MAGEA4: variants seen among roughly 807,000 people sequenced by gnomAD.
The protein encoded by MAGEA4 is melanoma-associated antigen 4.
A neutral mutation model predicts 13.7 loss-of-function variants in MAGEA4; 1 was observed. That is an observed-to-expected ratio of 0.07 (90% CI 0.03 to 0.35). The LOEUF is 0.35. Among genes scored for constraint, MAGEA4 ranks in the 10% least tolerant of loss-of-function variants. MAGEA4 has a pLI of 0.99. For synonymous variants in MAGEA4, 132 were observed against 101.1 expected (o/e 1.31, Z -1.83); for missense variants, 312 against 245.1 (o/e 1.27, Z -1.82).
upstream of MAGEA4, chrX:151,912,539 C>G (rs1323437927): frequency 1.6e-5 from 6 of 366,438 alleles, no homozygotes; most frequent in Non-Finnish European, 3.2e-5. Flanking sequence ...TGTGAGGAGG[C>G]AAGGTGGGGG....
chrX:151,923,003 G>A (rs1933518834), intron 1 of MAGEA4, among the ~76,000 whole-genome samples: 1 of 112,567 alleles, frequency 8.9e-6, no homozygotes, highest in Admixed American at 9.3e-5. Flanking sequence ...AGGCATGTGA[G>A]CTCTTGATCT....
chrX:151,924,794 T>C lies in MAGEA4; in HGVS notation c.*176T>C. The stretch of plus-strand genomic sequence containing the variant: ...TCTATTTTGTTGGATGACTTGGAGA[T>C]TTATCTCTGTTTCCTTTTACAATTG... On this transcript the variant is annotated 3_prime_UTR_variant, in exon 3 of 3. Transcript: ENST00000276344. 2.3e-6 allele frequency: 1 copy of C among 428,553 alleles called. No individual in the cohort carries two copies. 35.3% of individuals were successfully genotyped at this position (428,553 alleles called of 1,213,427 possible). A position where few individuals can be genotyped will look rare whatever the true frequency, so the allele number is the denominator to read the frequency against.
In MAGEA4 at chrX:151,924,228, T is replaced by C. The variant is rs1569449574; in HGVS notation, c.564T>C (p.Asp188=). 6 of 1,210,430 alleles carry C rather than the reference T, an allele frequency of 5.0e-6. No homozygotes were observed. Among genetic ancestry groups the C allele is most frequent in the Non-Finnish European group, 6.7e-6 (6 of 894,702 alleles). ...TLVTCLGLSY[D]GLLGNNQIFP... Reference sequence around the variant, plus strand: ...TCACCTGCCTGGGCCTTTCCTATGATGGCCTGCTGGGTAATAATCAGATCT... The same window carrying C: ...TCACCTGCCTGGGCCTTTCCTATGACGGCCTGCTGGGTAATAATCAGATCT... The change falls in exon 3 of 3, where the codon GAT becomes GAC. Residue 188 remains aspartate (D), a synonymous_variant. Transcript: ENST00000276344.
intron 1 of MAGEA4, among the ~76,000 whole-genome samples, chrX:151,921,789 AC>A (rs1398665903): frequency 9.0e-6 from 1 of 110,850 alleles, no homozygotes; most frequent in Non-Finnish European, 1.9e-5. Flanking sequence ...CAGAGGGAGG[AC>A]CCTGGCCCTC....
rs1444291172 is a variant in MAGEA4, at chrX:151,923,967, C to T, written c.303C>T (p.Asp101=). 4 of 1,210,175 alleles carry T rather than the reference C, an allele frequency of 3.3e-6. No homozygotes were observed. Among genetic ancestry groups the T allele is most frequent in the Non-Finnish European group, 4.5e-6 (4 of 895,195 alleles). ...AGGAGGGGCCAAGCACCTCGCCTGACGCAGAGTCCTTGTTCCGAGAAGCAC... is the reference window on the plus strand; with the variant it reads ...AGGAGGGGCCAAGCACCTCGCCTGATGCAGAGTCCTTGTTCCGAGAAGCAC... ...QEEEGPSTSP[D]AESLFREALS... is the part of the protein sequence containing the mutation. The change falls in exon 3 of 3, where the codon GAC becomes GAT. Residue 101 remains aspartate (D), a synonymous_variant. Transcript: ENST00000276344.
At chrX:151,915,986 A>G (rs1360763808) in intron 1 of MAGEA4, among the ~76,000 whole-genome samples, 1 of 12,878 alleles carries the variant, frequency 7.8e-5, no homozygotes, top group Admixed American at 7.0e-4. Flanking sequence ...CTCCTCTTCA[A>G]CCCCCCACCT....
chrX:151,913,197 A>C (rs751093546), intron 1 of MAGEA4, among the ~76,000 whole-genome samples: 1 of 110,038 alleles, frequency 9.1e-6, no homozygotes, highest in East Asian at 2.9e-4. Flanking sequence ...CATCAACCTC[A>C]GGACCCTAAA....
At position 151,924,878 on chromosome X, in the gene MAGEA4, G is replaced by A. The variant is rs370556419; in HGVS notation, c.*260G>A. 1.3e-4 allele frequency: 40 copies of A among 317,526 alleles called. No individual in the cohort carries two copies. Among genetic ancestry groups the A allele is most frequent in the Non-Finnish European group, 1.7e-4 (31 of 177,808 alleles). 26.2% of individuals were successfully genotyped at this position (317,526 alleles called of 1,213,427 possible). A position where few individuals can be genotyped will look rare whatever the true frequency, so the allele number is the denominator to read the frequency against. Reference sequence around the variant, plus strand: ...ACTTCAGCATCCAAGTTTATGAATCGTAGTTAACGTATATTGCTGTTAATA... The same window carrying A: ...ACTTCAGCATCCAAGTTTATGAATCATAGTTAACGTATATTGCTGTTAATA... On this transcript the variant is annotated 3_prime_UTR_variant, in exon 3 of 3. Transcript: ENST00000276344.
chrX:151,913,367 TCC>T (rs1373796555), intron 1 of MAGEA4: 1 of 53,103 alleles, frequency 1.9e-5, no homozygotes, highest in African/African-American at 8.1e-5. Context: ...TACCGCCATC[TCC>T]CACCCCCAAA....
At chrX:151,919,797 C>T (rs756347121) in intron 1 of MAGEA4, 12 of 737,023 alleles carry the variant, frequency 1.6e-5, no homozygotes, top group Non-Finnish European at 1.9e-5. Flanking sequence ...ACCACTCATG[C>T]TCCCAGCCCT....
Position 151,923,497 on chromosome X carries a change from C to T in MAGEA4, c.-93C>T. Reference sequence around the variant, plus strand: ...ACCGGAGGACAGGATTCCCTGGAGGCCACAGAGGAGCACCAAGGAGAAGAT... The same window carrying T: ...ACCGGAGGACAGGATTCCCTGGAGGTCACAGAGGAGCACCAAGGAGAAGAT... On this transcript the variant is annotated 5_prime_UTR_variant, in exon 2 of 3. Transcript: ENST00000276344. 1 of 1,201,716 alleles carries T rather than the reference C, an allele frequency of 8.3e-7. No individual in the cohort carries two copies. Among genetic ancestry groups the T allele is most frequent in the Non-Finnish European group, 1.1e-6 (1 of 891,581 alleles).
intron 1 of MAGEA4, among the ~76,000 whole-genome samples, chrX:151,913,230 G>A (rs1043515490): frequency 4.6e-5 from 5 of 109,232 alleles, no homozygotes; most frequent in African/African-American, 1.7e-4. Flanking sequence ...GTACCACACC[G>A]CTATTCCCAT....
In MAGEA4 at chrX:151,924,778, T is replaced by A; in HGVS notation, c.*160T>A. The A allele has an allele frequency of 6.3e-6, 3 of 479,288 alleles. No individual in the cohort carries two copies. Among genetic ancestry groups the A allele is most frequent in the Non-Finnish European group, 9.9e-6 (3 of 304,082 alleles). The allele number at this position is 479,288 out of a possible 1,213,427, so 39.5% of individuals were successfully genotyped here. A position where few individuals can be genotyped will look rare whatever the true frequency, so the allele number is the denominator to read the frequency against. On this transcript the variant is annotated 3_prime_UTR_variant, in exon 3 of 3. Transcript: ENST00000276344. ...TTCTTAGTAGTGGGTTTCTATTTTG[T>A]TGGATGACTTGGAGATTTATCTCTG...
chrX:151,925,118 G>T lies in MAGEA4; in HGVS notation c.*500G>T, dbSNP rs1459964068. ...TATATATGCATACCTGGATTTCCTT[G>T]GCTTCGTGAATGTAAGAGAAATTAA... On this transcript the variant is annotated 3_prime_UTR_variant, in exon 3 of 3. Coordinates refer to ENST00000276344, the MANE Select transcript of MAGEA4 (RefSeq NM_001011548.1). 8.4e-6 allele frequency: 1 copy of T among 118,689 alleles called. No homozygotes were observed. The highest frequency in any genetic ancestry group is 1.9e-5 in the Non-Finnish European group (1 of 54,029). The allele number at this position is 118,689 out of a possible 1,213,427, so 9.8% of individuals were successfully genotyped here.
chrX:151,922,572 C>T (rs1381920696), intron 1 of MAGEA4, among the ~76,000 whole-genome samples: 2 of 111,530 alleles, frequency 1.8e-5, no homozygotes, highest in Non-Finnish European at 1.9e-5. Context: ...ACTCAGGTCA[C>T]CACAGGGACC....
chrX:151,923,210 A>C (rs1296472583), intron 1 of MAGEA4, among the ~76,000 whole-genome samples: 1 of 111,421 alleles, frequency 9.0e-6, no homozygotes, highest in African/African-American at 3.3e-5. Context: ...TTCCTCTCCT[A>C]GGAGCTCCAG....
In MAGEA4 at chrX:151,924,163, G is replaced by A. The variant is rs778001194; in HGVS notation, c.499G>A (p.Val167Met). The change falls in exon 3 of 3, where the codon GTG (valine) becomes ATG (methionine). Residue 167 changes from valine to methionine, a missense_variant. Coordinates refer to ENST00000276344, the MANE Select transcript of MAGEA4 (RefSeq NM_001011548.1). ...CCTGAAGATGATCTTTGGCATTGAC[G>A]TGAAGGAAGTGGACCCCGCCAGCAA... is the stretch of plus-strand genomic sequence containing the variant. ...ESLKMIFGID[V>M]KEVDPASNTY... is the part of the protein sequence containing the mutation. 1.5e-5 allele frequency: 18 copies of A among 1,210,525 alleles called. No individual in the cohort carries two copies. In the African/African-American group the frequency reaches 2.8e-4, roughly 19 times the overall value.
intron 1 of MAGEA4, chrX:151,913,665 A>G (rs913456140): frequency 4.0e-5 from 29 of 726,854 alleles, no homozygotes; most frequent in Admixed American, 3.6e-4. Context: ...CACTCCTGCT[A>G]CCAGCCGTGG....
At chrX:151,919,547 C>T (rs1357553400) in intron 1 of MAGEA4, 223 of 534,502 alleles carry the variant, frequency 4.2e-4, no homozygotes, top group Non-Finnish European at 4.8e-4. Flanking sequence ...ACTCCTCCCA[C>T]CCCCATCCAC....
Sources: allele counts gnomAD v4.1 joint callset (sites outside exome capture counted in the v4.1 genomes callset), GRCh38; gene constraint gnomAD v4.1.1; transcripts MANE v1.5; gene names NCBI Gene and HGNC (gene_info 2026-07-23, HGNC 2026-07-21).